Variants in LARP1 observed in about 807,000 individuals in gnomAD.
LARP1 encodes the protein la-related protein 1.
Under a neutral mutation model 122.7 loss-of-function variants are expected in LARP1, and 36 were observed. The ratio of observed to expected loss-of-function variants is 0.29; its 90% CI spans 0.22 to 0.39. The LOEUF is 0.39. Among genes scored for constraint, LARP1 ranks in the 10% least tolerant of loss-of-function variants. LARP1 has a pLI of 1.00. For missense variants in LARP1, 1,040 were observed against 1,403.6 expected (o/e 0.74, Z 4.14); for synonymous variants, 539 against 528.7 (o/e 1.02, Z -0.27).
intron 1 of LARP1, among the ~76,000 whole-genome samples, chr5:154,700,393 G>A (rs368491850): frequency 7.5e-4 from 114 of 151,854 alleles, no homozygotes; most frequent in African/African-American, 2.0e-3. Context: ...GTGGCTGGTC[G>A]CAATGGCTCA....
chr5:154,786,416 A>G (rs139347719), intron 1 of LARP1: 1 of 455,486 alleles, frequency 2.2e-6, no homozygotes, highest in African/African-American at 2.0e-5. Flanking sequence ...AATTACCAGA[A>G]TTAGTACTGG....
chr5:154,713,943 A>C (rs1027805310), intron 1 of LARP1, among the ~76,000 whole-genome samples: 1 of 152,206 alleles, frequency 6.6e-6, no homozygotes, highest in Non-Finnish European at 1.5e-5. Context: ...GTATGAACAC[A>C]GGGCCTGGAG....
At position 154,683,010 on chromosome 5, in the gene LARP1, C is replaced by A. The variant is rs577354707; in HGVS notation, c.-207C>A. Among the ~76,000 whole-genome samples, 18 of 152,332 alleles carry A rather than the reference C, an allele frequency of 1.2e-4. No homozygotes were observed. In the East Asian group the frequency reaches 2.7e-3, roughly 23 times the overall value. ...TGAGTCATCGCTGCTGCGGCGCTGC[C>A]GGCCGTGCTGGGAGAGCAGGCGAGC... On this transcript the variant is annotated 5_prime_UTR_variant, in exon 1 of 19. Coordinates refer to the LARP1 transcript ENST00000687700.
rs1214215597 is a variant in LARP1, at chr5:154,755,546, C to T, written c.-212C>T. On this transcript the variant is annotated 5_prime_UTR_variant, in exon 1 of 19. Coordinates refer to ENST00000518297, the MANE Select transcript of LARP1 (RefSeq NM_033551.3). ...CCTGGACTGCAGAGTGGGGGGCCTTCCTCCCCCCCCGCCCCGCTAGTGGGC... is the reference window on the plus strand; with the variant it reads ...CCTGGACTGCAGAGTGGGGGGCCTTTCTCCCCCCCCGCCCCGCTAGTGGGC... The T allele has an allele frequency of 3.0e-6, 3 of 986,758 alleles. No individual in the cohort carries two copies. Among genetic ancestry groups the T allele is most frequent in the East Asian group, 2.3e-4 (2 of 8,714 alleles). The allele number at this position is 986,758 out of a possible 1,614,324, so 61.1% of individuals were successfully genotyped here. A position where few individuals can be genotyped will look rare whatever the true frequency, so the allele number is the denominator to read the frequency against.
intron 1 of LARP1, 70 bp downstream of exon 1, chr5:154,756,263 C>G (rs1753886760): frequency 1.8e-6 from 2 of 1,105,298 alleles, no homozygotes; most frequent in Non-Finnish European, 2.3e-6. Context: ...CCTCCCCCAG[C>G]ACCTCCAGGG....
intron 1 of LARP1, among the ~76,000 whole-genome samples, chr5:154,779,853 C>A (rs1031174815): frequency 6.6e-6 from 1 of 152,058 alleles, no homozygotes; most frequent in Non-Finnish European, 1.5e-5. Context: ...TTGAGAGCAT[C>A]CGTGTGCAGG....
intron 1 of LARP1, among the ~76,000 whole-genome samples, chr5:154,768,976 G>T (rs1755181509): frequency 6.6e-6 from 1 of 152,096 alleles, no homozygotes; most frequent in African/African-American, 2.4e-5. Context: ...CAAGTAGTGG[G>T]ATTACAGGTG....
intron 1 of LARP1, among the ~76,000 whole-genome samples, chr5:154,769,471 G>T (rs552725043): frequency 6.6e-6 from 1 of 152,350 alleles, no homozygotes; most frequent in East Asian, 1.9e-4. Flanking sequence ...GGTGGGGGAC[G>T]TGGGGACGAC....
At chr5:154,703,526 C>G (rs779184454) in intron 1 of LARP1, among the ~76,000 whole-genome samples, 11 of 152,146 alleles carry the variant, frequency 7.2e-5, no homozygotes, top group Non-Finnish European at 1.6e-4. Context: ...AGGCAGGAGA[C>G]TCACTTGAGC....
At chr5:154,694,071 A>C (rs1754359888) in intron 1 of LARP1, among the ~76,000 whole-genome samples, 1 of 152,184 alleles carries the variant, frequency 6.6e-6, no homozygotes, top group African/African-American at 2.4e-5. Flanking sequence ...AATGTGAAAC[A>C]GTTTATAAGA....
chr5:154,705,084 C>T (rs1318324668), intron 1 of LARP1, among the ~76,000 whole-genome samples: 1 of 145,014 alleles, frequency 6.9e-6, no homozygotes, highest in Non-Finnish European at 1.5e-5. Flanking sequence ...CGCCACTGCA[C>T]TCCAGCCTGG....
upstream of LARP1, among the ~76,000 whole-genome samples, chr5:154,750,384 C>T (rs988660122): frequency 2.0e-5 from 3 of 152,014 alleles, no homozygotes; most frequent in African/African-American, 7.3e-5. Context: ...ATCTTCCCAC[C>T]TCAACCTCCC....
chr5:154,804,141 T>G (rs1305323994), intron 13 of LARP1, 60 bp from the exon 14 acceptor site: 3 of 1,228,458 alleles, frequency 2.4e-6, no homozygotes, highest in Non-Finnish European at 3.6e-6. Context: ...TACAAGTGCT[T>G]GATGCTCCTC....
At chr5:154,808,634 G>A (rs1332896499) in intron 16 of LARP1, 31 bp downstream of exon 16, 1 of 1,598,948 alleles carries the variant, frequency 6.3e-7, no homozygotes, top group Admixed American at 1.7e-5. Flanking sequence ...GACTTTGGCT[G>A]GTGCTTAGGG....
chr5:154,733,033 A>G (rs1756675914), intron 1 of LARP1, among the ~76,000 whole-genome samples: 1 of 152,078 alleles, frequency 6.6e-6, no homozygotes, highest in Non-Finnish European at 1.5e-5. Context: ...GTCTCATAAA[A>G]TCCCAGTCTC....
chr5:154,758,410 G>A (rs1754177340), intron 1 of LARP1, among the ~76,000 whole-genome samples: 1 of 152,168 alleles, frequency 6.6e-6, no homozygotes, highest in African/African-American at 2.4e-5. Context: ...AGAACCTTTG[G>A]AATAGGTTTT....
chr5:154,712,881 TA>T, exon 1 of LARP1: 1 of 1,570,686 alleles, frequency 6.4e-7, no homozygotes. Context: ...TGGATGTACC[TA>T]AACCCTCCAG....
intron 10 of LARP1, among the ~76,000 whole-genome samples, chr5:154,800,565 C>T (rs930314056): frequency 2.6e-5 from 4 of 151,640 alleles, no homozygotes; most frequent in Non-Finnish European, 5.9e-5. Context: ...TCAGTTTCTC[C>T]ATCTGCAGAT....
intron 1 of LARP1, among the ~76,000 whole-genome samples, chr5:154,747,112 A>C (rs1031658924): frequency 6.6e-6 from 1 of 152,176 alleles, no homozygotes; most frequent in Non-Finnish European, 1.5e-5. Flanking sequence ...CCTGGGCGAC[A>C]GGGCGAGACT....
Sources: gnomAD v4.1 joint callset for allele counts (sites outside exome capture counted in the v4.1 genomes callset) on GRCh38, gnomAD v4.1.1 for gene constraint, MANE v1.5 for transcripts, NCBI Gene and HGNC (gene_info 2026-07-23, HGNC 2026-07-21) for gene names.